The following LRBA variants were observed in gnomAD, a reference collection of about 807,000 sequenced individuals.
The protein encoded by LRBA is LPS responsive beige-like anchor protein, also known as lipopolysaccharide-responsive and beige-like anchor protein.
In LRBA, 176 loss-of-function variants were observed where a neutral mutation model predicts 330.0. That is an observed-to-expected ratio of 0.53 (90% CI 0.47 to 0.60). The LOEUF (loss-of-function observed/expected upper bound fraction) is 0.60. Ranked by LOEUF, LRBA falls within the 20% of genes least tolerant of loss-of-function variation. The pLI, the probability that LRBA is intolerant of heterozygous loss-of-function variation, is 0.00. For missense variants in LRBA, 3,259 were observed against 3,444.8 expected (o/e 0.95, Z 1.35); for synonymous variants, 1,230 against 1,193.0 (o/e 1.03, Z -0.64).
chr4:150,927,341 C>A (rs1579228100), intron 4 of LRBA, among the ~76,000 whole-genome samples: 1 of 150,306 alleles, frequency 6.7e-6, no homozygotes, highest in African/African-American at 2.5e-5. Flanking sequence ...GCACTGCACT[C>A]CAGGCTGGGC....
chr4:150,605,884 C>T (rs1035651393), intron 37 of LRBA, among the ~76,000 whole-genome samples: 2 of 152,082 alleles, frequency 1.3e-5, no homozygotes, highest in Admixed American at 1.3e-4. Flanking sequence ...ATGAAAAGGA[C>T]AAACAAAAAC....
chr4:150,824,282 T>C (rs1745909288), intron 30 of LRBA, among the ~76,000 whole-genome samples: 1 of 152,208 alleles, frequency 6.6e-6, no homozygotes, highest in Non-Finnish European at 1.5e-5. Flanking sequence ...GTCATGCAAC[T>C]GTACTGAATT....
At chr4:150,687,925 C>T (rs1006837467) in intron 36 of LRBA, among the ~76,000 whole-genome samples, 3 of 152,162 alleles carry the variant, frequency 2.0e-5, no homozygotes, top group Admixed American at 1.3e-4. Flanking sequence ...CTACCAATGA[C>T]TTTCTTCACA....
intron 44 of LRBA, among the ~76,000 whole-genome samples, chr4:150,445,375 CTCTATATATATATATA>C (rs1310753888): frequency 8.4e-5 from 7 of 82,974 alleles, no homozygotes; most frequent in Admixed American, 1.4e-4. Context: ...CTCTCTCTCT[CTCTATATATATATATA>C]TATATATATA....
At chr4:150,627,673 CTT>C (rs1320240019) in intron 37 of LRBA, among the ~76,000 whole-genome samples, 1 of 151,930 alleles carries the variant, frequency 6.6e-6, no homozygotes, top group Non-Finnish European at 1.5e-5. Flanking sequence ...TGGAATTAGT[CTT>C]GATGCAAAAT....
At chr4:150,796,353 A>G (rs1170013447) in intron 34 of LRBA, among the ~76,000 whole-genome samples, 1 of 151,972 alleles carries the variant, frequency 6.6e-6, no homozygotes, top group Admixed American at 6.6e-5. Context: ...AACAATCTGT[A>G]TACATCTGGA....
At chr4:150,536,660 A>G (rs1342611167) in intron 40 of LRBA, among the ~76,000 whole-genome samples, 1 of 152,212 alleles carries the variant, frequency 6.6e-6, no homozygotes, top group East Asian at 1.9e-4. Context: ...TGTTTACATG[A>G]ATTAATTTTA....
At chr4:150,652,404 T>C (rs1253778138) in intron 37 of LRBA, among the ~76,000 whole-genome samples, 1 of 152,196 alleles carries the variant, frequency 6.6e-6, no homozygotes, top group Non-Finnish European at 1.5e-5. Flanking sequence ...TGTTTCTGCA[T>C]GCATCCAGCT....
chr4:150,625,355 A>G (rs1776745606), intron 37 of LRBA, among the ~76,000 whole-genome samples: 1 of 152,228 alleles, frequency 6.6e-6, no homozygotes, highest in South Asian at 2.1e-4. Flanking sequence ...GTGACTGATA[A>G]AATAAAGCCG....
intron 40 of LRBA, among the ~76,000 whole-genome samples, chr4:150,522,505 TATTACATGCCC>T (rs1763025413): frequency 6.6e-6 from 1 of 152,136 alleles, no homozygotes; most frequent in Non-Finnish European, 1.5e-5. Context: ...CTGCCACACC[TATTACATGCCC>T]AGAGTGCCAG....
intron 28 of LRBA, among the ~76,000 whole-genome samples, chr4:150,833,631 A>G (rs904036923): frequency 6.6e-6 from 1 of 152,216 alleles, no homozygotes; most frequent in African/African-American, 2.4e-5. Flanking sequence ...TATAGCTTAA[A>G]AATGCTAACA....
At chr4:150,284,629 C>T (rs1747926898) in intron 54 of LRBA, among the ~76,000 whole-genome samples, 1 of 152,128 alleles carries the variant, frequency 6.6e-6, no homozygotes, top group African/African-American at 2.4e-5. Context: ...TCACCTCCTG[C>T]AATCCTCCCA....
intron 47 of LRBA, among the ~76,000 whole-genome samples, chr4:150,375,408 G>A (rs1056759951): frequency 3.3e-5 from 5 of 151,988 alleles, no homozygotes; most frequent in Non-Finnish European, 4.4e-5. Context: ...TTTTGACCAC[G>A]CTGAAGCATA....
At chr4:150,989,341 A>G (rs1741812157) in intron 2 of LRBA, among the ~76,000 whole-genome samples, 1 of 148,730 alleles carries the variant, frequency 6.7e-6, no homozygotes, top group South Asian at 2.4e-4. Flanking sequence ...GTGGCCAGGC[A>G]TGGTGGTTCA....
intron 2 of LRBA, among the ~76,000 whole-genome samples, chr4:150,962,931 G>T (rs1738315775): frequency 6.8e-6 from 1 of 147,416 alleles, no homozygotes; most frequent in Non-Finnish European, 1.5e-5. Context: ...TCCAGCCTGG[G>T]TGACAGAGCC....
chr4:150,997,925 G>A (rs1474981397), intron 2 of LRBA, among the ~76,000 whole-genome samples: 3 of 152,050 alleles, frequency 2.0e-5, no homozygotes, highest in Non-Finnish European at 4.4e-5. Flanking sequence ...GCTGGTCTCC[G>A]ACTCCTGACC....
intron 4 of LRBA, among the ~76,000 whole-genome samples, chr4:150,926,547 T>C (rs1364723904): frequency 6.6e-6 from 1 of 152,104 alleles, no homozygotes; most frequent in African/African-American, 2.4e-5. Context: ...CTCAGCAACA[T>C]AAAATTTGCT....
chr4:150,481,762 C>CT (rs1757332536), intron 42 of LRBA, among the ~76,000 whole-genome samples: 1 of 151,966 alleles, frequency 6.6e-6, no homozygotes. Flanking sequence ...AGTCATTTCC[C>CT]TTTTATTTCT....
intron 2 of LRBA, among the ~76,000 whole-genome samples, chr4:150,970,504 AAAT>A (rs768812019): frequency 1.0e-4 from 15 of 147,834 alleles, no homozygotes; most frequent in Middle Eastern, 3.4e-3. Context: ...TGTCTCAAAA[AAAT>A]AATAATAATA....
Sources: gnomAD v4.1 joint callset for allele counts (sites outside exome capture counted in the v4.1 genomes callset) on GRCh38, gnomAD v4.1.1 for gene constraint, MANE v1.5 for transcripts, NCBI Gene and HGNC (gene_info 2026-07-23, HGNC 2026-07-21) for gene names.